The following SOSTDC1 variants were observed in gnomAD, a reference collection of about 807,000 sequenced individuals.
The protein encoded by SOSTDC1 is sclerostin domain containing 1.
In SOSTDC1, 7 loss-of-function variants were observed where a neutral mutation model predicts 15.1. That is an observed-to-expected ratio of 0.46 (90% CI 0.26 to 0.87). SOSTDC1 has a LOEUF of 0.87. SOSTDC1 is among the 40% of genes least tolerant of loss of function. The probability of loss-of-function intolerance (pLI) is 0.15; values close to 1 mark genes in which losing one functional copy is unlikely to be tolerated. For missense variants in SOSTDC1, 242 were observed against 259.2 expected, an observed-to-expected ratio of 0.93 and a Z score of 0.46; for synonymous variants, 94 against 93.2, an observed-to-expected ratio of 1.01 and a Z score of -0.05.
At position 16,461,790 on chromosome 7, in the gene SOSTDC1, T is replaced by C. The variant is rs1245156550; in HGVS notation, c.*758A>G. 8 of 152,578 alleles carry C rather than the reference T, an allele frequency of 5.2e-5. No individual in the cohort carries two copies. The East Asian group carries it at 5.8e-4, about 11-fold the overall frequency. The allele number at this position is 152,578 out of a possible 1,614,324, so 9.5% of individuals were successfully genotyped here. ...TATTTCTAATCAACCACAAATCATA[T>C]AGGAAAATATTTAGGTCCATGAAAA... On this transcript the variant is annotated 3_prime_UTR_variant, in exon 2 of 2. Coordinates refer to ENST00000307068, the MANE Select transcript of SOSTDC1 (RefSeq NM_015464.3).
chr7:16,465,620 G>C lies in SOSTDC1; in HGVS notation c.49C>G (p.Leu17Val), dbSNP rs1370482439. 6.2e-7 allele frequency: 1 copy of C among 1,614,112 alleles called. No homozygotes were observed. Among genetic ancestry groups the C allele is most frequent in the East Asian group, 2.2e-5 (1 of 44,870 alleles). The change falls in exon 1 of 2, where the codon CTA (leucine) becomes GTA (valine). Residue 17 changes from leucine to valine, a missense_variant. By Grantham distance (32) the Leu-to-Val change is conservative (BLOSUM62 1). Coordinates refer to ENST00000307068, the MANE Select transcript of SOSTDC1 (RefSeq NM_015464.3). ...TTAAAAGCCAAACAGCTTTTCATTAGGATGCATGCAAGGGGAAGGAGATAG... is the reference window on the plus strand; with the variant it reads ...TTAAAAGCCAAACAGCTTTTCATTACGATGCATGCAAGGGGAAGGAGATAG... ...HFYLLPLACI[L>V]MKSCLAFKND...
At position 16,461,959 on chromosome 7, in the gene SOSTDC1, G is replaced by A. The variant is rs1583608378; in HGVS notation, c.*589C>T. On this transcript the variant is annotated 3_prime_UTR_variant, in exon 2 of 2. Coordinates refer to ENST00000307068, the MANE Select transcript of SOSTDC1 (RefSeq NM_015464.3). ...TTCTGGCATTCCATTCCAAGCGAGG[G>A]TCAGCATGCAGGGTATAATTTCATA... 1 of 152,590 alleles carries A rather than the reference G, an allele frequency of 6.6e-6. No homozygotes were observed. The highest frequency in any genetic ancestry group is 2.4e-5 in the African/African-American group (1 of 41,430). 9.5% of individuals were successfully genotyped at this position (152,590 alleles called of 1,614,324 possible).
intron 1 of SOSTDC1, among the ~76,000 whole-genome samples, chr7:16,465,021 CT>C (rs1781280099): frequency 6.6e-6 from 1 of 151,972 alleles, no homozygotes; most frequent in Admixed American, 6.5e-5. Context: ...CCTTTTTTCC[CT>C]TGTGATTCCC....
chr7:16,465,276 T>C (rs1243322324), intron 1 of SOSTDC1, among the ~76,000 whole-genome samples, 188 bp downstream of exon 1: 1 of 152,234 alleles, frequency 6.6e-6, no homozygotes. Context: ...ACCACTGTTT[T>C]AGTTAGGTTA....
chr7:16,461,638 T>G lies in SOSTDC1; in HGVS notation c.*910A>C, dbSNP rs564455796. On this transcript the variant is annotated 3_prime_UTR_variant, in exon 2 of 2. Coordinates refer to ENST00000307068, the MANE Select transcript of SOSTDC1 (RefSeq NM_015464.3). ...CACAGATTAAACAAGAAAGTATTAC[T>G]TATTTCAACTTTACAAAGCATCTTA... The G allele has an allele frequency of 2.6e-5, 4 of 152,664 alleles. No individual in the cohort carries two copies. Among genetic ancestry groups the G allele is most frequent in the African/African-American group, 9.6e-5 (4 of 41,570 alleles). The allele number at this position is 152,664 out of a possible 1,614,324, so 9.5% of individuals were successfully genotyped here.
Position 16,465,564 on chromosome 7 carries a change from A to G in SOSTDC1, c.105T>C (p.His35=), listed in dbSNP as rs1781290585. The G allele has an allele frequency of 1.2e-6, 2 of 1,614,142 alleles. No individual in the cohort carries two copies. Among genetic ancestry groups the G allele is most frequent in the Non-Finnish European group, 1.7e-6 (2 of 1,180,000 alleles). The change falls in exon 1 of 2, where the codon CAT becomes CAC. Residue 35 remains histidine (H), a synonymous_variant. Coordinates refer to ENST00000307068, the MANE Select transcript of SOSTDC1 (RefSeq NM_015464.3). ...GGTGTGCTGGAACAGGTTTAACCAC[A>G]TGTGAATAAAGGATTTCTGTGGCAT... is the stretch of plus-strand genomic sequence containing the variant. ...KNDATEILYS[H]VVKPVPAHPS... is the part of the protein sequence containing the mutation.
Position 16,462,394 on chromosome 7 carries a change from G to A in SOSTDC1, c.*154C>T. ...AAAAGGAAAAACTATTCCCAAAGAAGGTCCTGATACTTAAGACAGCTTGCT... is the reference window on the plus strand; with the variant it reads ...AAAAGGAAAAACTATTCCCAAAGAAAGTCCTGATACTTAAGACAGCTTGCT... On this transcript the variant is annotated 3_prime_UTR_variant, in exon 2 of 2. Transcript: ENST00000307068. 1.3e-6 allele frequency: 1 copy of A among 743,470 alleles called. No homozygotes were observed. Among genetic ancestry groups the A allele is most frequent in the Non-Finnish European group, 2.2e-6 (1 of 454,154 alleles). The allele number at this position is 743,470 out of a possible 1,614,324, so 46.1% of individuals were successfully genotyped here.
chr7:16,462,442 A>G lies in SOSTDC1; in HGVS notation c.*106T>C. ...GCTGGGTTTGATCAAAGCAGAAAGC[A>G]TATACTTTCAAGTGAGAAAACAGCA... On this transcript the variant is annotated 3_prime_UTR_variant, in exon 2 of 2. Transcript: ENST00000307068. 1 of 1,213,620 alleles carries G rather than the reference A, an allele frequency of 8.2e-7. No homozygotes were observed. Among genetic ancestry groups the G allele is most frequent in the Non-Finnish European group, 1.2e-6 (1 of 843,496 alleles). 75.2% of individuals were successfully genotyped at this position (1,213,620 alleles called of 1,614,324 possible).
chr7:16,462,507 G>A lies in SOSTDC1; in HGVS notation c.*41C>T. The A allele has an allele frequency of 6.3e-7, 1 of 1,586,912 alleles. No individual in the cohort carries two copies. Among genetic ancestry groups the A allele is most frequent in the Non-Finnish European group, 8.6e-7 (1 of 1,159,188 alleles). On this transcript the variant is annotated 3_prime_UTR_variant, in exon 2 of 2. Transcript: ENST00000307068. ...TCTTCCAAGCAATCAAATCTGTAAA[G>A]CAGATGGTTACTAGTAAGTCTAGTT...
Position 16,462,268 on chromosome 7 carries a change from A to G in SOSTDC1, c.*280T>C, listed in dbSNP as rs770042332. The G allele has an allele frequency of 2.7e-6, 1 of 369,048 alleles. No homozygotes were observed. The highest frequency in any genetic ancestry group is 4.6e-5 in the South Asian group (1 of 21,620). 22.9% of individuals were successfully genotyped at this position (369,048 alleles called of 1,614,324 possible). ...ATAATGATTCACTGATGTTTATAGT[A>G]TCAACAGTCTTTTAAGAACAATGAG... is the stretch of plus-strand genomic sequence containing the variant. On this transcript the variant is annotated 3_prime_UTR_variant, in exon 2 of 2. Coordinates refer to ENST00000307068, the MANE Select transcript of SOSTDC1 (RefSeq NM_015464.3).
At position 16,462,149 on chromosome 7, in the gene SOSTDC1, A is replaced by AT. The variant is rs1039052752; in HGVS notation, c.*398dup. 3.7e-5 allele frequency: 6 copies of AT among 163,756 alleles called. No homozygotes were observed. Among genetic ancestry groups the AT allele is most frequent in the East Asian group, 1.7e-4 (1 of 5,914 alleles). 10.1% of individuals were successfully genotyped at this position (163,756 alleles called of 1,614,324 possible). A position where few individuals can be genotyped will look rare whatever the true frequency, so the allele number is the denominator to read the frequency against. On this transcript the variant is annotated 3_prime_UTR_variant, in exon 2 of 2. Coordinates refer to ENST00000307068, the MANE Select transcript of SOSTDC1 (RefSeq NM_015464.3). The stretch of plus-strand genomic sequence containing the variant: ...TTACTGTGAAGATTCATGACAACAT[A>AT]TTTTTTTTAACCTGTTTTGAAGGAG...
chr7:16,465,508 C>G lies in SOSTDC1; in HGVS notation c.161G>C (p.Arg54Thr). ...GTTACTGAAATGCCTGCCTCCATTT[C>G]TGGCTTGATTCAACGTGCTGTTGCT... ...PSSNSTLNQA[R>T]NGGRHFSNTG... The change falls in exon 1 of 2, where the codon AGA (arginine) becomes ACA (threonine). Residue 54 changes from arginine to threonine, a missense_variant. By Grantham distance (71) the Arg-to-Thr change is moderately conservative (BLOSUM62 -1). Transcript: ENST00000307068. The G allele has an allele frequency of 1.2e-6, 2 of 1,614,102 alleles. No individual in the cohort carries two copies. The highest frequency in any genetic ancestry group is 1.7e-6 in the Non-Finnish European group (2 of 1,179,998).
In SOSTDC1 at chr7:16,462,760, T is replaced by C. The variant is rs761591569; in HGVS notation, c.409A>G (p.Lys137Glu). 15 of 1,614,194 alleles carry C rather than the reference T, an allele frequency of 9.3e-6. No individual in the cohort carries two copies. In the East Asian group the frequency reaches 3.3e-4, roughly 36 times the overall value. Residue 137 changes from lysine to glutamate, a missense_variant, in exon 2 of 2, where the codon AAA becomes GAA. Coordinates refer to ENST00000307068, the MANE Select transcript of SOSTDC1 (RefSeq NM_015464.3). ...SSQEWRCVND[K>E]TRTQRIQLQC... ...AGCTGGATTCTCTGGGTACGGGTTT[T>C]GTCATTGACACACCGCCACTCCTGG...
At chr7:16,464,196 A>G (rs1369093462) in intron 1 of SOSTDC1, 1 of 748,594 alleles carries the variant, frequency 1.3e-6, no homozygotes, top group Admixed American at 2.1e-5. Context: ...ATAGTTGTGG[A>G]AAAACTTATG....
intron 1 of SOSTDC1, 70 bp from the exon 2 acceptor site, chr7:16,463,033 C>A (rs1337060750): frequency 2.1e-6 from 3 of 1,434,202 alleles, no homozygotes; most frequent in Non-Finnish European, 2.8e-6. Flanking sequence ...AAGTGATCTG[C>A]AATGACAAAA....
intron 1 of SOSTDC1, among the ~76,000 whole-genome samples, 177 bp downstream of exon 1, chr7:16,465,287 A>G (rs1781284918): frequency 6.6e-6 from 1 of 152,202 alleles, no homozygotes; most frequent in African/African-American, 2.4e-5. Context: ...AGTTAGGTTA[A>G]CTTTAAAATC....
rs1781234393 is a variant in SOSTDC1, at chr7:16,462,835, T to C, written c.334A>G (p.Asn112Asp). The C allele has an allele frequency of 1.2e-6, 2 of 1,614,030 alleles. No homozygotes were observed. The highest frequency in any genetic ancestry group is 4.5e-5 in the East Asian group (2 of 44,884). The part of the protein sequence containing the change: ...GECLPLPVLP[N>D]WIGGGYGTKY... ...GTTCCATAGCCTCCTCCAATCCAGT[T>C]AGGGAGCACTGGCAGGGGCAAGCAC... The change falls in exon 2 of 2, where the codon AAC (asparagine) becomes GAC (aspartate). Residue 112 changes from asparagine to aspartate, a missense_variant. Coordinates refer to ENST00000307068, the MANE Select transcript of SOSTDC1 (RefSeq NM_015464.3).
Position 16,465,451 on chromosome 7 carries a change from A to G in SOSTDC1, c.205+13T>C. ...AAAGAAAAAAAAAAACTGTACAAGT[A>G]AAACACACTTACTGTTCCGATCCAG... On this transcript the variant is annotated intron_variant, in intron 1 of 1. Coordinates refer to ENST00000307068, the MANE Select transcript of SOSTDC1 (RefSeq NM_015464.3). 4 of 1,610,818 alleles carry G rather than the reference A, an allele frequency of 2.5e-6. No individual in the cohort carries two copies. The highest frequency in any genetic ancestry group is 3.4e-6 in the Non-Finnish European group (4 of 1,177,272).
intron 1 of SOSTDC1, chr7:16,464,380 T>A (rs1781260860): frequency 2.6e-6 from 4 of 1,550,342 alleles, no homozygotes; most frequent in Non-Finnish European, 3.5e-6. Flanking sequence ...TCGTCAAGCT[T>A]TCTGTTCCTG....
Sources: allele counts gnomAD v4.1 joint callset (sites outside exome capture counted in the v4.1 genomes callset), GRCh38; gene constraint gnomAD v4.1.1; transcripts MANE v1.5; gene names NCBI Gene and HGNC (gene_info 2026-07-23, HGNC 2026-07-21).